ARHGEF28: variants seen among roughly 807,000 people sequenced by gnomAD.
ARHGEF28 encodes the protein Rho guanine nucleotide exchange factor 28.
A neutral mutation model predicts 206.6 loss-of-function variants in ARHGEF28; 152 were observed. The observed-to-expected ratio is 0.74, with a 90% CI of 0.64 to 0.84. The LOEUF (loss-of-function observed/expected upper bound fraction) is 0.84. ARHGEF28 is among the 40% of genes least tolerant of loss of function. The pLI is 0.00. For missense variants in ARHGEF28, 2,028 were observed against 2,073.2 expected, an observed-to-expected ratio of 0.98 and a Z score of 0.42; for synonymous variants, 763 against 776.4, an observed-to-expected ratio of 0.98 and a Z score of 0.29.
intron 21 of ARHGEF28, among the ~76,000 whole-genome samples, chr5:73,871,741 A>G (rs1760117314): frequency 6.6e-6 from 1 of 152,218 alleles, no homozygotes; most frequent in Non-Finnish European, 1.5e-5. Context: ...AAAATCCTGT[A>G]CATGTTACTA....
intron 9 of ARHGEF28, 129 bp downstream of exon 9, chr5:73,795,520 T>C (rs1217156050): frequency 9.1e-6 from 7 of 769,658 alleles, no homozygotes; most frequent in Admixed American, 2.6e-5. Flanking sequence ...CTGAAACGCA[T>C]CCAGATAAAT....
At chr5:73,923,716 A>T (rs1477968389) in intron 35 of ARHGEF28, among the ~76,000 whole-genome samples, 1 of 152,172 alleles carries the variant, frequency 6.6e-6, no homozygotes, top group Non-Finnish European at 1.5e-5. Context: ...TCTCAAACAA[A>T]CTTACAGGAC....
chr5:73,771,847 CAT>C (rs988382025), intron 4 of ARHGEF28, among the ~76,000 whole-genome samples: 1 of 152,120 alleles, frequency 6.6e-6, no homozygotes, highest in Non-Finnish European at 1.5e-5. Context: ...TAATAGCTAA[CAT>C]AGTTTTTTAA....
At chr5:73,791,142 G>A (rs1754456870) in intron 7 of ARHGEF28, among the ~76,000 whole-genome samples, 1 of 152,242 alleles carries the variant, frequency 6.6e-6, no homozygotes, top group African/African-American at 2.4e-5. Flanking sequence ...CCAGATGTAG[G>A]TGGAGATGAG....
chr5:73,696,243 C>A (rs371644735), intron 2 of ARHGEF28, among the ~76,000 whole-genome samples: 2 of 152,286 alleles, frequency 1.3e-5, no homozygotes, highest in South Asian at 4.1e-4. Context: ...GTCCCATTGA[C>A]AAAAGTGTTG....
chr5:73,885,943 A>G lies in ARHGEF28; in HGVS notation c.3149A>G (p.Lys1050Arg), dbSNP rs756732054. The stretch of plus-strand genomic sequence containing the variant: ...GATTTAAAAGTCAATGAATATGAGA[A>G]AAACCAAAAATGGCTTGAGATCCTA... ...TVDLKVNEYE[K>R]NQKWLEILNK... Residue 1050 changes from lysine to arginine, a missense_variant, in exon 25 of 36, where the codon AAA becomes AGA. Physicochemically the swap from Lys to Arg is conservative, Grantham distance 26. Around this residue, in one of 3 missense-constraint regions of ARHGEF28, gnomAD observed 223 missense variants for 289.9 expected, o/e 0.77. Coordinates refer to ENST00000513042, the MANE Select transcript of ARHGEF28 (RefSeq NM_001177693.2). 6.2e-7 allele frequency: 1 copy of G among 1,613,732 alleles called. No individual in the cohort carries two copies. Among genetic ancestry groups the G allele is most frequent in the Admixed American group, 1.7e-5 (1 of 59,980 alleles).
At chr5:73,682,494 T>G (rs1280071257) in intron 1 of ARHGEF28, among the ~76,000 whole-genome samples, 1 of 151,970 alleles carries the variant, frequency 6.6e-6, no homozygotes, top group Non-Finnish European at 1.5e-5. Context: ...CTGAGCTCAT[T>G]GCAACCCCTG....
chr5:73,741,351 G>A (rs1401709937), intron 2 of ARHGEF28, among the ~76,000 whole-genome samples: 3 of 38,042 alleles, frequency 7.9e-5, no homozygotes, highest in African/African-American at 1.5e-4. Context: ...ATGTGTGTGT[G>A]TGTGTGTGTG....
intron 11 of ARHGEF28, among the ~76,000 whole-genome samples, chr5:73,842,987 TAA>T (rs35222956): frequency 2.9e-3 from 381 of 130,558 alleles, no homozygotes; most frequent in Admixed American, 3.6e-3. Context: ...ACTCTGTCTT[TAA>T]AAAAAAAAAA....
In ARHGEF28 at chr5:73,868,148, C is replaced by T; in HGVS notation, c.2346C>T (p.Ser782=). ...TSLESESDHN[S]CRSRSHSDEL... Reference sequence around the variant, plus strand: ...TGGAGTCTGAGAGTGACCATAACAGCTGCAGAAGCAGGTCTCATTCTGATG... The same window carrying T: ...TGGAGTCTGAGAGTGACCATAACAGTTGCAGAAGCAGGTCTCATTCTGATG... Residue 782 remains serine (S), a synonymous_variant, in exon 20 of 36, where the codon AGC becomes AGT. Transcript: ENST00000513042. 2 of 1,608,344 alleles carry T rather than the reference C, an allele frequency of 1.2e-6. 1 individual carries two copies. Among genetic ancestry groups the T allele is most frequent in the South Asian group, 2.2e-5 (2 of 89,858 alleles).
chr5:73,877,287 T>C (rs1261464984), intron 22 of ARHGEF28, among the ~76,000 whole-genome samples: 3 of 150,932 alleles, frequency 2.0e-5, no homozygotes, highest in Non-Finnish European at 4.5e-5. Context: ...TCATTTTTTA[T>C]TGCGTCTATT....
chr5:73,925,413 A>G (rs898937047), intron 35 of ARHGEF28, among the ~76,000 whole-genome samples: 1 of 152,162 alleles, frequency 6.6e-6, no homozygotes, highest in Non-Finnish European at 1.5e-5. Flanking sequence ...ATGACCCCAT[A>G]CTTAATCTTT....
At chr5:73,656,764 G>C (rs1745229190) in intron 1 of ARHGEF28, among the ~76,000 whole-genome samples, 1 of 152,118 alleles carries the variant, frequency 6.6e-6, no homozygotes, top group Non-Finnish European at 1.5e-5. Context: ...TCCTTAGGAG[G>C]ACCTACAAGG....
chr5:73,668,266 G>A (rs541253833), intron 1 of ARHGEF28, among the ~76,000 whole-genome samples: 10 of 152,240 alleles, frequency 6.6e-5, no homozygotes, highest in East Asian at 1.9e-4. Flanking sequence ...AGTCTGTTTC[G>A]TGCTGCTGTA....
intron 35 of ARHGEF28, among the ~76,000 whole-genome samples, chr5:73,918,836 CA>C (rs976958737): frequency 6.6e-6 from 1 of 150,750 alleles, no homozygotes; most frequent in Non-Finnish European, 1.5e-5. Flanking sequence ...CTGTGGTGAA[CA>C]AAAAAAAATA....
In ARHGEF28 at chr5:73,910,455, G is replaced by A. The variant is rs1037112050; in HGVS notation, c.4647+558G>A. Among the ~76,000 whole-genome samples, 10 of 147,516 alleles carry A rather than the reference G, an allele frequency of 6.8e-5. No individual in the cohort carries two copies. The East Asian group carries it at 1.4e-3, about 21-fold the overall frequency. ...TATGGGATCACTGCACTCTGCCTGAGATGCCCTTACCCTAAGGAACAAACA... is the reference window on the plus strand; with the variant it reads ...TATGGGATCACTGCACTCTGCCTGAAATGCCCTTACCCTAAGGAACAAACA... On this transcript the variant is annotated intron_variant, in intron 34 of 35. Coordinates refer to ENST00000513042, the MANE Select transcript of ARHGEF28 (RefSeq NM_001177693.2).
At chr5:73,631,294 A>G (rs1743349796) in intron 1 of ARHGEF28, among the ~76,000 whole-genome samples, 1 of 152,138 alleles carries the variant, frequency 6.6e-6, no homozygotes, top group South Asian at 2.1e-4. Context: ...TTTTCCCACT[A>G]AGACCCTGAT....
intron 1 of ARHGEF28, among the ~76,000 whole-genome samples, chr5:73,635,217 C>T (rs539261227): frequency 6.6e-6 from 1 of 152,290 alleles, no homozygotes; most frequent in South Asian, 2.1e-4. Flanking sequence ...GTGGCACATG[C>T]CTATAGTCCC....
rs185132573 is a variant in ARHGEF28, at chr5:73,671,082, A to G, written c.-11-13759A>G. Reference sequence around the variant, plus strand: ...AATATACATGCACAGAATAATTTGCATCTAATTTCATGGAATTCATGGCCT... The same window carrying G: ...AATATACATGCACAGAATAATTTGCGTCTAATTTCATGGAATTCATGGCCT... On this transcript the variant is annotated intron_variant, in intron 1 of 35. Transcript: ENST00000513042. Among the ~76,000 whole-genome samples the G allele has an allele frequency of 2.6e-3, 394 of 152,290 alleles. 2 individuals are homozygous for G. Among genetic ancestry groups the G allele is most frequent in the African/African-American group, 9.1e-3 (377 of 41,556 alleles).
Sources: gnomAD v4.1 joint callset for allele counts (sites outside exome capture counted in the v4.1 genomes callset) on GRCh38, gnomAD v4.1.1 for gene constraint, gnomAD v4.1.1 regional missense constraint, MANE v1.5 for transcripts, NCBI Gene and HGNC (gene_info 2026-07-23, HGNC 2026-07-21) for gene names.